CEP135: variants seen among roughly 807,000 people sequenced by gnomAD.
The protein encoded by CEP135 is centrosomal protein of 135 kDa.
A neutral mutation model predicts 157.3 loss-of-function variants in CEP135; 142 were observed. The ratio of observed to expected loss-of-function variants is 0.90; its 90% CI spans 0.79 to 1.04. The LOEUF is 1.04. Among genes scored for constraint, CEP135 ranks in the 50% least tolerant of loss-of-function variants. The pLI, the probability that CEP135 is intolerant of heterozygous loss-of-function variation, is 0.00. For missense variants in CEP135, 1,317 were observed against 1,309.2 expected (o/e 1.01, Z -0.09); for synonymous variants, 396 against 439.8 (o/e 0.90, Z 1.25).
rs773342370 is a variant in CEP135 at position 55,999,396 on chromosome 4, A to G, written c.2104A>G (p.Lys702Glu). 6.8e-6 allele frequency: 11 copies of G among 1,614,138 alleles called. No individual in the cohort carries two copies. The highest frequency in any genetic ancestry group is 8.5e-6 in the Non-Finnish European group (10 of 1,180,012). ...ACTTGAATCAGCCCAAGCACAAATT[A>G]AAATACTGGAGGAAAAGATAGGTAA... The part of the protein sequence containing the change: ...GELESAQAQI[K>E]ILEEKIDELN... Residue 702 changes from lysine (K) to glutamate (E), a missense_variant, in exon 16 of 26, where the codon AAA (lysine) becomes GAA (glutamate). Coordinates refer to ENST00000257287, the MANE Select transcript of CEP135 (RefSeq NM_025009.5).
chr4:55,992,254 T>C (rs1357117886), intron 15 of CEP135, among the ~76,000 whole-genome samples, 169 bp downstream of exon 15: 1 of 152,188 alleles, frequency 6.6e-6, no homozygotes, highest in Non-Finnish European at 1.5e-5. Flanking sequence ...AAGGGGCTGA[T>C]TTTGGGAGGT....
intron 11 of CEP135, among the ~76,000 whole-genome samples, chr4:55,977,323 T>C (rs1329477438): frequency 1.3e-5 from 2 of 152,206 alleles, no homozygotes; most frequent in African/African-American, 4.8e-5. Context: ...GGGTGGGTAC[T>C]ATCCTCCTCA....
Position 55,950,795 on chromosome 4 carries a change from A to G in CEP135, c.-45-1291A>G, listed in dbSNP as rs903499779. Among the ~76,000 whole-genome samples the G allele has an allele frequency of 2.6e-5, 4 of 151,848 alleles. No individual in the cohort carries two copies. In the South Asian group the frequency reaches 8.3e-4, roughly 32 times the overall value. Reference sequence around the variant, plus strand: ...ATTGAAGTGAAATTTACATGATGAAATGCATAGAGTTTAAGTGTACTATTT... The same window carrying G: ...ATTGAAGTGAAATTTACATGATGAAGTGCATAGAGTTTAAGTGTACTATTT... On this transcript the variant is annotated intron_variant, in intron 1 of 25. Transcript: ENST00000257287.
chr4:56,028,555 C>T (rs1439333564), intron 25 of CEP135, among the ~76,000 whole-genome samples: 1 of 151,278 alleles, frequency 6.6e-6, no homozygotes, highest in Non-Finnish European at 1.5e-5. Flanking sequence ...TAAATATTGT[C>T]ACCAAAACTA....
chr4:55,974,929 G>A lies in CEP135; in HGVS notation c.1433G>A (p.Ser478Asn). The part of the protein sequence containing the change: ...IQRRSCSTSY[S>N]AREKSSIFRT... ...CGAAGATCTTGCTCTACAAGTTATA[G>A]CGCACGTGAAAAAAGTTCAATATTT... Residue 478 changes from serine to asparagine, a missense_variant, in exon 11 of 26, where the codon AGC becomes AAC. Transcript: ENST00000257287. 7 of 1,608,620 alleles carry A rather than the reference G, an allele frequency of 4.4e-6. No homozygotes were observed. The highest frequency in any genetic ancestry group is 5.9e-6 in the Non-Finnish European group (7 of 1,176,832).
intron 12 of CEP135, 138 bp downstream of exon 12, chr4:55,980,433 T>C (rs1729363875): frequency 1.9e-6 from 1 of 525,286 alleles, no homozygotes; most frequent in Non-Finnish European, 3.2e-6. Context: ...AGTAGTAGTT[T>C]CTACTATCAT....
Position 55,952,224 on chromosome 4 carries a change from T to G in CEP135, c.94T>G (p.Leu32Val). The G allele has an allele frequency of 6.2e-7, 1 of 1,611,100 alleles. No individual in the cohort carries two copies. The highest frequency in any genetic ancestry group is 8.5e-7 in the Non-Finnish European group (1 of 1,177,412). ...GACTCTGACAGTGGAGTGTTTACCT[T>G]TGGTAGAAAAACTTTTCAGGTAAAG... ...RQTLTVECLP[L>V]VEKLFSDLVH... The change falls in exon 2 of 26, where the codon TTG becomes GTG. Residue 32 changes from leucine (L) to valine (V), a missense_variant. Transcript: ENST00000257287.
intron 17 of CEP135, among the ~76,000 whole-genome samples, chr4:56,007,996 T>A (rs896902817): frequency 1.2e-4 from 19 of 152,224 alleles, no homozygotes; most frequent in African/African-American, 4.6e-4. Flanking sequence ...CATGTAGAAG[T>A]TTCTAAGACC....
intron 11 of CEP135, 148 bp from the exon 12 acceptor site, chr4:55,979,995 C>G: frequency 1.5e-6 from 1 of 674,470 alleles, no homozygotes; most frequent in Non-Finnish European, 2.5e-6. Flanking sequence ...CTGCTCTCAT[C>G]ATAGATTTTT....
intron 6 of CEP135, 78 bp downstream of exon 6, chr4:55,959,844 A>C: frequency 1.8e-6 from 2 of 1,134,576 alleles, no homozygotes; most frequent in Non-Finnish European, 2.6e-6. Context: ...GTTATATTTG[A>C]AATTGCTGAT....
chr4:56,019,888 G>A (rs1380627613), intron 23 of CEP135, among the ~76,000 whole-genome samples: 2 of 152,140 alleles, frequency 1.3e-5, no homozygotes, highest in South Asian at 2.1e-4. Flanking sequence ...GCAGTGAGCC[G>A]AGATTGCACC....
chr4:55,969,429 A>T (rs111972621), intron 9 of CEP135, among the ~76,000 whole-genome samples: 72 of 38,396 alleles, frequency 1.9e-3, no homozygotes, highest in African/African-American at 1.0e-2. Context: ...CTCCATCTTT[A>T]AAAAAAAAAA....
chr4:56,017,617 A>G (rs1730819938), intron 21 of CEP135, 31 bp from the exon 22 acceptor site: 1 of 1,534,374 alleles, frequency 6.5e-7, no homozygotes, highest in Non-Finnish European at 8.8e-7. Context: ...GGTTATTTTA[A>G]CTTTTTACTT....
Position 55,954,196 on chromosome 4 carries a change from T to C in CEP135, c.305-20T>C. The stretch of plus-strand genomic sequence containing the variant: ...ATTTCTTGATCTTTAAAACGGTCTT[T>C]GAATCTTTTTCATTTTAAGAGTTGA... On this transcript the variant is annotated intron_variant, in intron 3 of 25. Coordinates refer to ENST00000257287, the MANE Select transcript of CEP135 (RefSeq NM_025009.5). 1 of 1,554,982 alleles carries C rather than the reference T, an allele frequency of 6.4e-7. No individual in the cohort carries two copies. The highest frequency in any genetic ancestry group is 8.7e-7 in the Non-Finnish European group (1 of 1,155,304).
intron 6 of CEP135, among the ~76,000 whole-genome samples, chr4:55,963,281 T>G (rs1423828121): frequency 6.6e-6 from 1 of 152,224 alleles, no homozygotes; most frequent in African/African-American, 2.4e-5. Context: ...AATTTCATCC[T>G]TTAGTCCAGC....
At chr4:55,991,375 A>C (rs1393717209) in intron 14 of CEP135, among the ~76,000 whole-genome samples, 4 of 117,072 alleles carry the variant, frequency 3.4e-5, no homozygotes, top group Admixed American at 2.9e-4. Flanking sequence ...CCCCATTTTT[A>C]AAAAGCTTGT....
chr4:55,952,971 C>T, intron 2 of CEP135, 114 bp from the exon 3 acceptor site: 1 of 914,280 alleles, frequency 1.1e-6, no homozygotes, highest in South Asian at 2.2e-5. Context: ...TGTCGTTGAC[C>T]AAAATGTCAT....
Position 56,009,757 on chromosome 4 carries a change from A to G in CEP135, c.2359A>G (p.Asn787Asp), listed in dbSNP as rs753638902. 12 of 1,609,036 alleles carry G rather than the reference A, an allele frequency of 7.5e-6. 1 individual carries two copies. The South Asian group carries it at 1.3e-4, about 18-fold the overall frequency. ...CAGCCAGCTGAAAGAAACATTGGTT[A>G]ATCGAGATCGTGAGATAAACAGCCT... Reference protein sequence around the residue: ...SVNQLKETLVNRDREINSLRR... With the variant: ...SVNQLKETLVDRDREINSLRR... Residue 787 changes from asparagine (N) to aspartate (D), a missense_variant, in exon 19 of 26, where the codon AAT (asparagine) becomes GAT (aspartate). By Grantham distance (23) the Asn-to-Asp change is conservative. Coordinates refer to ENST00000257287, the MANE Select transcript of CEP135 (RefSeq NM_025009.5).
chr4:56,019,294 AT>A (rs1230926789), intron 22 of CEP135, 58 bp from the exon 23 acceptor site: 3 of 1,342,928 alleles, frequency 2.2e-6, no homozygotes, highest in Admixed American at 2.3e-5. Context: ...CAGATAAATA[AT>A]TTTTTCAGAG....
Sources: allele counts gnomAD v4.1 joint callset (sites outside exome capture counted in the v4.1 genomes callset), GRCh38; gene constraint gnomAD v4.1.1; transcripts MANE v1.5; gene names NCBI Gene and HGNC (gene_info 2026-07-23, HGNC 2026-07-21).